SHB: variants seen among roughly 807,000 people sequenced by gnomAD.
The protein encoded by SHB is SH2 domain containing adaptor protein B, also known as SH2 domain-containing adapter protein B.
SHB carries 20 observed loss-of-function variants against 52.3 expected under a neutral mutation model. The ratio of observed to expected loss-of-function variants is 0.38; its 90% CI spans 0.27 to 0.56. The LOEUF is 0.56. Ranked by LOEUF, SHB falls within the 20% of genes least tolerant of loss-of-function variation. SHB has a pLI of 0.71. For synonymous variants in SHB, 397 were observed against 316.5 expected (o/e 1.25, Z -2.70); for missense variants, 825 against 723.3 (o/e 1.14, Z -1.61).
chr9:38,000,976 G>A (rs951106811), intron 2 of SHB, among the ~76,000 whole-genome samples: 35 of 152,204 alleles, frequency 2.3e-4, no homozygotes, highest in African/African-American at 8.2e-4. Context: ...TGCCTGTCTC[G>A]CCAGGGTGGT....
intron 5 of SHB, among the ~76,000 whole-genome samples, chr9:37,920,961 G>C (rs563367289): frequency 5.9e-5 from 9 of 152,194 alleles, no homozygotes; most frequent in Non-Finnish European, 1.0e-4. Context: ...ATCAGCTCAC[G>C]AGGGCCAAAG....
intron 1 of SHB, among the ~76,000 whole-genome samples, chr9:38,049,965 A>G (rs1821718573): frequency 6.6e-6 from 1 of 152,128 alleles, no homozygotes; most frequent in African/African-American, 2.4e-5. Flanking sequence ...ACACCCGGCT[A>G]ATTTTTGTAA....
At chr9:37,920,756 C>T (rs1030304099) in intron 5 of SHB, among the ~76,000 whole-genome samples, 3 of 152,202 alleles carry the variant, frequency 2.0e-5, no homozygotes, top group African/African-American at 4.8e-5. Context: ...ACTGAGGACA[C>T]GCATGCCTTC....
intron 2 of SHB, among the ~76,000 whole-genome samples, chr9:37,992,386 A>G (rs1218770026): frequency 1.3e-5 from 2 of 152,192 alleles, no homozygotes; most frequent in Non-Finnish European, 2.9e-5. Flanking sequence ...GGGCAACAAG[A>G]GCGAAATTCC....
chr9:38,022,272 A>C (rs190546744), intron 1 of SHB, among the ~76,000 whole-genome samples: 521 of 152,304 alleles, frequency 3.4e-3, no homozygotes, highest in Non-Finnish European at 5.5e-3. Flanking sequence ...GGCCACAGTA[A>C]TGAACAGTGA....
At chr9:38,021,912 G>A (rs957296320) in intron 1 of SHB, among the ~76,000 whole-genome samples, 1 of 152,222 alleles carries the variant, frequency 6.6e-6, no homozygotes, top group African/African-American at 2.4e-5. Flanking sequence ...AAAGGAGAGA[G>A]TGTCTTGCTG....
At chr9:38,058,713 C>G (rs1311671594) in intron 1 of SHB, among the ~76,000 whole-genome samples, 1 of 152,158 alleles carries the variant, frequency 6.6e-6, no homozygotes, top group Non-Finnish European at 1.5e-5. Flanking sequence ...GCCTTCATAC[C>G]TCCTCCTCAC....
intron 3 of SHB, among the ~76,000 whole-genome samples, chr9:37,956,703 T>C (rs925246072): frequency 2.6e-5 from 4 of 152,098 alleles, no homozygotes; most frequent in South Asian, 2.1e-4. Context: ...GGGAGGATGC[T>C]CCTTGAGGGA....
chr9:37,949,455 A>C (rs1832538322), intron 4 of SHB, among the ~76,000 whole-genome samples: 1 of 152,140 alleles, frequency 6.6e-6, no homozygotes, highest in Admixed American at 6.5e-5. Flanking sequence ...AAGAAAAAAA[A>C]AGTGACATTT....
intron 2 of SHB, among the ~76,000 whole-genome samples, chr9:38,013,224 A>G (rs1203864225): frequency 6.6e-6 from 1 of 152,208 alleles, no homozygotes; most frequent in East Asian, 1.9e-4. Context: ...GCTTCTTTGG[A>G]GAGAGAATGC....
intron 2 of SHB, among the ~76,000 whole-genome samples, chr9:37,978,629 C>A (rs2117977727): frequency 6.6e-6 from 1 of 152,160 alleles, no homozygotes; most frequent in East Asian, 1.9e-4. Context: ...AGCAGGGCCC[C>A]ACAGGGAATT....
At chr9:37,967,523 G>A (rs1280152849) in intron 3 of SHB, among the ~76,000 whole-genome samples, 1 of 152,176 alleles carries the variant, frequency 6.6e-6, no homozygotes, top group Non-Finnish European at 1.5e-5. Flanking sequence ...AGAGGGGAAG[G>A]AACCGGTTGT....
chr9:38,036,826 T>C (rs1317000999), intron 1 of SHB, among the ~76,000 whole-genome samples: 1 of 152,180 alleles, frequency 6.6e-6, no homozygotes, highest in Non-Finnish European at 1.5e-5. Context: ...ATGGATTTGA[T>C]TCTCATATTG....
intron 1 of SHB, among the ~76,000 whole-genome samples, chr9:38,041,553 C>A (rs570780885): frequency 1.3e-5 from 2 of 150,592 alleles, no homozygotes; most frequent in African/African-American, 4.9e-5. Flanking sequence ...CAGGCAAGTG[C>A]AGAGGTATAA....
intron 2 of SHB, among the ~76,000 whole-genome samples, chr9:37,979,837 A>G (rs1820702246): frequency 6.6e-6 from 1 of 152,118 alleles, no homozygotes; most frequent in Non-Finnish European, 1.5e-5. Context: ...GGTACCTGTA[A>G]AATTTTTTGG....
At chr9:38,026,959 G>A (rs991157694) in intron 1 of SHB, among the ~76,000 whole-genome samples, 1 of 152,210 alleles carries the variant, frequency 6.6e-6, no homozygotes, top group South Asian at 2.1e-4. Context: ...GTCCCCAGGG[G>A]AGATGGGCAT....
chr9:38,048,684 T>C lies in SHB; in HGVS notation c.717+19245A>G, dbSNP rs188704591. On this transcript the variant is annotated intron_variant, in intron 1 of 5. Coordinates refer to ENST00000377707, the MANE Select transcript of SHB (RefSeq NM_003028.3). ...CAAAAAATGAAAAAGTATTACATTGTTGAGTGTTTTCCATCTTAACGATAT... is the reference window on the plus strand; with the variant it reads ...CAAAAAATGAAAAAGTATTACATTGCTGAGTGTTTTCCATCTTAACGATAT... Among the ~76,000 whole-genome samples the C allele has an allele frequency of 2.6e-5, 4 of 152,350 alleles. No individual in the cohort carries two copies. In the East Asian group the frequency reaches 7.7e-4, roughly 29 times the overall value.
intron 3 of SHB, among the ~76,000 whole-genome samples, chr9:37,963,446 T>C (rs772266466): frequency 2.6e-5 from 4 of 152,206 alleles, no homozygotes; most frequent in African/African-American, 9.7e-5. Context: ...GGAATGAACA[T>C]GGGCCACATT....
chr9:38,013,246 A>G (rs1564101758), intron 2 of SHB, among the ~76,000 whole-genome samples: 1 of 152,226 alleles, frequency 6.6e-6, no homozygotes, highest in Non-Finnish European at 1.5e-5. Context: ...TGAGGTCTTT[A>G]AGAGGTTCTA....
Sources: gnomAD v4.1 joint callset for allele counts (sites outside exome capture counted in the v4.1 genomes callset) on GRCh38, gnomAD v4.1.1 for gene constraint, MANE v1.5 for transcripts, NCBI Gene and HGNC (gene_info 2026-07-23, HGNC 2026-07-21) for gene names.